Variants in SSBP3 observed in about 807,000 individuals in gnomAD.
SSBP3 encodes the protein single stranded DNA binding protein 3, also known as single-stranded DNA-binding protein 3.
Under a neutral mutation model 69.6 loss-of-function variants are expected in SSBP3, and 5 were observed. That is an observed-to-expected ratio of 0.07 (90% CI 0.04 to 0.15). The LOEUF (loss-of-function observed/expected upper bound fraction) is 0.15. Among genes scored for constraint, SSBP3 ranks in the 10% least tolerant of loss-of-function variants. The pLI is 1.00. For synonymous variants in SSBP3, 196 were observed against 193.4 expected, an observed-to-expected ratio of 1.01 and a Z score of -0.11; for missense variants, 312 against 534.0, an observed-to-expected ratio of 0.58 and a Z score of 4.10.
intron 4 of SSBP3, among the ~76,000 whole-genome samples, chr1:54,313,702 C>CAA (rs11414384): frequency 6.6e-6 from 1 of 151,880 alleles, no homozygotes; most frequent in Admixed American, 6.5e-5. Context: ...AGATGCTACT[C>CAA]AGAGTCAAGA....
At chr1:54,412,297 C>G (rs1453970158) in intron 1 of SSBP3, among the ~76,000 whole-genome samples, 1 of 152,106 alleles carries the variant, frequency 6.6e-6, no homozygotes, top group African/African-American at 2.4e-5. Flanking sequence ...CCACTGCACT[C>G]CAGCCAGGGC....
At chr1:54,394,983 G>A (rs1648758906) in intron 4 of SSBP3, among the ~76,000 whole-genome samples, 2 of 151,588 alleles carry the variant, frequency 1.3e-5, no homozygotes, top group African/African-American at 2.4e-5. Context: ...GATTACAGGC[G>A]TGAGCCACCG....
chr1:54,334,612 C>T (rs1007224181), intron 4 of SSBP3, among the ~76,000 whole-genome samples: 3 of 152,132 alleles, frequency 2.0e-5, no homozygotes, highest in Non-Finnish European at 4.4e-5. Flanking sequence ...GTCTCCTCTT[C>T]CAAAATAGGA....
chr1:54,340,079 A>G (rs1646579850), intron 4 of SSBP3, among the ~76,000 whole-genome samples: 1 of 152,112 alleles, frequency 6.6e-6, no homozygotes, highest in African/African-American at 2.4e-5. Flanking sequence ...CCTAGAGGAT[A>G]AGCGCCTTCA....
At chr1:54,245,782 C>T (rs910580494) in intron 9 of SSBP3, among the ~76,000 whole-genome samples, 10 of 152,342 alleles carry the variant, frequency 6.6e-5, no homozygotes, top group South Asian at 4.1e-4. Flanking sequence ...GAGCAGAACT[C>T]GAGACCTGAG....
intron 4 of SSBP3, among the ~76,000 whole-genome samples, chr1:54,342,345 T>A (rs912599227): frequency 6.6e-6 from 1 of 152,240 alleles, no homozygotes; most frequent in South Asian, 2.1e-4. Flanking sequence ...AATGCATTTT[T>A]AAAAAGAAAG....
In SSBP3 at chr1:54,369,525, T is replaced by C. The variant is rs566867340; in HGVS notation, c.276+32336A>G. Among the ~76,000 whole-genome samples, 14 of 152,258 alleles carry C rather than the reference T, an allele frequency of 9.2e-5. No homozygotes were observed. The South Asian group carries it at 2.9e-3, about 32-fold the overall frequency. On this transcript the variant is annotated intron_variant, in intron 4 of 17. Coordinates refer to ENST00000610401, the Ensembl canonical transcript of SSBP3. ...ATCAAAAAAAAAGAGAACCACTAGT[T>C]AGGTGACCGTGGCAGACGGTTTCTG...
intron 4 of SSBP3, among the ~76,000 whole-genome samples, chr1:54,383,058 GAAAGA>G (rs1647798056): frequency 6.7e-6 from 1 of 149,400 alleles, no homozygotes; most frequent in Non-Finnish European, 1.5e-5. Flanking sequence ...AGGAAGGAAG[GAAAGA>G]AAGAAAAGAA....
intron 7 of SSBP3, among the ~76,000 whole-genome samples, chr1:54,256,686 CCCT>C (rs1301296869): frequency 3.3e-5 from 5 of 152,190 alleles, no homozygotes; most frequent in Non-Finnish European, 5.9e-5. Flanking sequence ...CCATTTCCCC[CCCT>C]AATAGCAGGA....
At chr1:54,241,376 ATGTG>A in intron 12 of SSBP3, 94 bp downstream of exon 12, 2 of 1,297,950 alleles carry the variant, frequency 1.5e-6, no homozygotes, top group Non-Finnish European at 2.2e-6. Context: ...GCTCAGAAGA[ATGTG>A]TGAAAGGGAA....
intron 4 of SSBP3, among the ~76,000 whole-genome samples, chr1:54,316,211 T>C (rs1646094567): frequency 6.6e-6 from 1 of 151,788 alleles, no homozygotes; most frequent in African/African-American, 2.4e-5. Flanking sequence ...CTGGGTGTGG[T>C]GGCAGGCACC....
At chr1:54,235,579 A>G (rs917411918) in intron 14 of SSBP3, among the ~76,000 whole-genome samples, 2 of 150,638 alleles carry the variant, frequency 1.3e-5, no homozygotes, top group Non-Finnish European at 2.9e-5. Context: ...CAGCCTCCTG[A>G]GTAGCTGGGA....
chr1:54,233,910 CGGGAAAGGT>C (rs1402156266), intron 14 of SSBP3, among the ~76,000 whole-genome samples: 2 of 152,134 alleles, frequency 1.3e-5, no homozygotes, highest in Non-Finnish European at 2.9e-5. Flanking sequence ...AATAGAAAGG[CGGGAAAGGT>C]GGGGAAAAGA....
In SSBP3 at chr1:54,227,189, G is replaced by T. The variant is rs770938911; in HGVS notation, c.1138-29C>A. On this transcript the variant is annotated intron_variant, in intron 17 of 17. Transcript: ENST00000610401. ...GAAAGGAGAAGCAGAGAAGGGGGGG[G>T]GGTGAGGATTGTGGGGAGGCCGCTG... is the stretch of plus-strand genomic sequence containing the variant. 3.9e-5 allele frequency: 46 copies of T among 1,178,516 alleles called. 3 individuals carry two copies. The highest frequency in any genetic ancestry group is 2.0e-4 in the Admixed American group (11 of 56,246). The allele number at this position is 1,178,516 out of a possible 1,614,324, so 73.0% of individuals were successfully genotyped here.
At chr1:54,364,143 G>C (rs375613522) in intron 4 of SSBP3, among the ~76,000 whole-genome samples, 25 of 152,346 alleles carry the variant, frequency 1.6e-4, no homozygotes, top group African/African-American at 5.8e-4. Flanking sequence ...TGTAAATAAA[G>C]TTTTATTGGG....
At chr1:54,379,864 C>T (rs964365165) in intron 4 of SSBP3, among the ~76,000 whole-genome samples, 2 of 152,210 alleles carry the variant, frequency 1.3e-5, no homozygotes, top group African/African-American at 2.4e-5. Flanking sequence ...TGCAAGAACA[C>T]GGCGCATCAA....
At chr1:54,384,096 A>C in intron 4 of SSBP3, among the ~76,000 whole-genome samples, 1 of 118,000 alleles carries the variant, frequency 8.5e-6, no homozygotes, top group Non-Finnish European at 1.7e-5. Context: ...ACAGTGCAAG[A>C]CTCCATCTCA....
intron 4 of SSBP3, among the ~76,000 whole-genome samples, chr1:54,386,227 C>T (rs1002040030): frequency 5.9e-5 from 9 of 152,174 alleles, no homozygotes; most frequent in Non-Finnish European, 1.2e-4. Flanking sequence ...TTCAACCCCT[C>T]GCTCCCCACA....
intron 4 of SSBP3, among the ~76,000 whole-genome samples, chr1:54,327,333 T>A (rs1178104528): frequency 6.6e-6 from 1 of 150,956 alleles, no homozygotes; most frequent in East Asian, 1.9e-4. Flanking sequence ...CAAGGCAGAG[T>A]TCTCCATCTG....
Sources: gnomAD v4.1 joint callset for allele counts (sites outside exome capture counted in the v4.1 genomes callset) on GRCh38, gnomAD v4.1.1 for gene constraint, MANE v1.5 for transcripts, NCBI Gene and HGNC (gene_info 2026-07-23, HGNC 2026-07-21) for gene names.